OPCML: variants seen among roughly 807,000 people sequenced by gnomAD.
OPCML encodes the protein opioid-binding protein/cell adhesion molecule.
In OPCML, 13 loss-of-function variants were observed where a neutral mutation model predicts 37.8. That is an observed-to-expected ratio of 0.34 (90% CI 0.22 to 0.55). The LOEUF (loss-of-function observed/expected upper bound fraction) is 0.55, where lower values mean the gene tolerates loss of function less well. Among genes scored for constraint, OPCML ranks in the 20% least tolerant of loss-of-function variants. OPCML has a pLI of 0.91. For synonymous variants in OPCML, 176 were observed against 168.8 expected, an observed-to-expected ratio of 1.04 and a Z score of -0.33; for missense variants, 341 against 435.6, an observed-to-expected ratio of 0.78 and a Z score of 1.93.
At chr11:133,033,422 T>G (rs1947709081) in intron 1 of OPCML, among the ~76,000 whole-genome samples, 1 of 152,224 alleles carries the variant, frequency 6.6e-6, no homozygotes, top group Non-Finnish European at 1.5e-5. Context: ...CAATACCACC[T>G]AGCTCCTTTG....
At chr11:133,057,273 T>A (rs1384063117) in intron 1 of OPCML, among the ~76,000 whole-genome samples, 2 of 152,212 alleles carry the variant, frequency 1.3e-5, no homozygotes, top group African/African-American at 4.8e-5. Context: ...TTACATAACC[T>A]CTGTTGCCAG....
chr11:133,410,625 G>GA (rs1301795233), intron 1 of OPCML, among the ~76,000 whole-genome samples: 2 of 27,054 alleles, frequency 7.4e-5, no homozygotes, highest in Admixed American at 6.3e-4. Context: ...CACACGTTAA[G>GA]AAAAAAAGTA....
chr11:133,338,169 C>A (rs1224610456), intron 1 of OPCML, among the ~76,000 whole-genome samples: 1 of 152,090 alleles, frequency 6.6e-6, no homozygotes, highest in African/African-American at 2.4e-5. Flanking sequence ...CCATTGAATG[C>A]AATTGTTTCA....
At chr11:133,307,246 G>A (rs905263690) in intron 1 of OPCML, among the ~76,000 whole-genome samples, 2 of 152,066 alleles carry the variant, frequency 1.3e-5, no homozygotes, top group Non-Finnish European at 2.9e-5. Flanking sequence ...AGAGAAGGAA[G>A]TGGCATAAGA....
In OPCML at chr11:133,193,120, G is replaced by A. The variant is rs139628252; in HGVS notation, c.62-250110C>T. On this transcript the variant is annotated intron_variant, in intron 1 of 7. Transcript: ENST00000524381. ...TCCTTCTGGTGGTGGCAAGATCAAG[G>A]AGCCTCAGCATGCCTCTAAACTGTG... 4.6e-5 allele frequency among the ~76,000 whole-genome samples: 7 copies of A among 152,162 alleles called. No homozygotes were observed. In the East Asian group the frequency reaches 1.4e-3, roughly 29 times the overall value.
chr11:132,841,030 G>A (rs188654272), intron 2 of OPCML, among the ~76,000 whole-genome samples: 3 of 152,240 alleles, frequency 2.0e-5, no homozygotes, highest in Admixed American at 1.3e-4. Flanking sequence ...AGTCGTCATC[G>A]TTCAAGAGGG....
chr11:133,372,424 T>G (rs1186634625), intron 1 of OPCML, among the ~76,000 whole-genome samples: 1 of 152,188 alleles, frequency 6.6e-6, no homozygotes, highest in Non-Finnish European at 1.5e-5. Flanking sequence ...ATCTGTTCCC[T>G]GTTTTCTGAG....
intron 1 of OPCML, among the ~76,000 whole-genome samples, chr11:132,951,637 C>G (rs1945863482): frequency 6.6e-6 from 1 of 152,270 alleles, no homozygotes; most frequent in South Asian, 2.1e-4. Context: ...ATAATAAATG[C>G]TAGTTATTAC....
At chr11:133,453,093 G>C (rs533789737) in intron 1 of OPCML, among the ~76,000 whole-genome samples, 2 of 152,282 alleles carry the variant, frequency 1.3e-5, no homozygotes, top group South Asian at 4.1e-4. Context: ...AAAGTAAACA[G>C]AAATATCACT....
chr11:133,445,400 T>C (rs908261863), intron 1 of OPCML, among the ~76,000 whole-genome samples: 1 of 152,220 alleles, frequency 6.6e-6, no homozygotes, highest in South Asian at 2.1e-4. Context: ...TGCCACTTTT[T>C]GGCTAAACAT....
chr11:133,353,759 G>T (rs935294676), intron 1 of OPCML, among the ~76,000 whole-genome samples: 5 of 152,170 alleles, frequency 3.3e-5, no homozygotes, highest in African/African-American at 1.2e-4. Context: ...CTTTATCCCA[G>T]AGCATCATGG....
At chr11:132,974,847 A>G (rs890093384) in intron 1 of OPCML, among the ~76,000 whole-genome samples, 1 of 151,196 alleles carries the variant, frequency 6.6e-6, no homozygotes, top group Admixed American at 6.6e-5. Context: ...CTTTGTTTTC[A>G]TTGCAAGATT....
chr11:133,314,190 G>A (rs370440016), intron 1 of OPCML, among the ~76,000 whole-genome samples: 41 of 122,706 alleles, frequency 3.3e-4, no homozygotes, highest in East Asian at 8.0e-4. Context: ...AGCCGAGATC[G>A]CGCCACTGCA....
At chr11:133,156,743 G>A (rs1950067994) in intron 1 of OPCML, among the ~76,000 whole-genome samples, 1 of 152,150 alleles carries the variant, frequency 6.6e-6, no homozygotes, top group Non-Finnish European at 1.5e-5. Flanking sequence ...TTGGGTAAAT[G>A]TCTATTTGGA....
chr11:132,673,266 C>G (rs1443796728), intron 2 of OPCML, among the ~76,000 whole-genome samples: 1 of 151,948 alleles, frequency 6.6e-6, no homozygotes, highest in Non-Finnish European at 1.5e-5. Flanking sequence ...TGTTCATGAG[C>G]AAAACCAAAC....
chr11:133,426,252 T>G (rs1434184854), intron 1 of OPCML, among the ~76,000 whole-genome samples: 1 of 152,204 alleles, frequency 6.6e-6, no homozygotes, highest in Non-Finnish European at 1.5e-5. Context: ...CAGTGCTGAC[T>G]GAATATACCC....
intron 3 of OPCML, among the ~76,000 whole-genome samples, chr11:132,623,072 A>G (rs1389489098): frequency 6.6e-6 from 1 of 152,172 alleles, no homozygotes; most frequent in Non-Finnish European, 1.5e-5. Flanking sequence ...TATTTGGAGG[A>G]TGTTGGAAGC....
At position 133,309,812 on chromosome 11, in the gene OPCML, A is replaced by G. The variant is rs541913492; in HGVS notation, c.61+222452T>C. On this transcript the variant is annotated intron_variant, in intron 1 of 7. Transcript: ENST00000524381. ...ACAGGGGAGCAGAATCCATAAGACC[A>G]GTGATAGATGAGATGATGAGTGCTT... Among the ~76,000 whole-genome samples the G allele has an allele frequency of 5.9e-5, 9 of 152,264 alleles. No homozygotes were observed. The South Asian group carries it at 1.0e-3, about 18-fold the overall frequency.
intron 7 of OPCML, among the ~76,000 whole-genome samples, chr11:132,429,708 TG>T (rs2095989914): frequency 6.6e-6 from 1 of 152,218 alleles, no homozygotes. Context: ...TAGGATTCCC[TG>T]GGAGAGCTTC....
Sources: gnomAD v4.1 joint callset for allele counts (sites outside exome capture counted in the v4.1 genomes callset) on GRCh38, gnomAD v4.1.1 for gene constraint, MANE v1.5 for transcripts, NCBI Gene and HGNC (gene_info 2026-07-23, HGNC 2026-07-21) for gene names.